ZRANB3: variants seen among roughly 807,000 people sequenced by gnomAD.
The protein encoded by ZRANB3 is zinc finger RANBP2-type containing 3, also known as DNA annealing helicase and endonuclease ZRANB3.
In ZRANB3, 125 loss-of-function variants were observed where a neutral mutation model predicts 133.8. The ratio of observed to expected loss-of-function variants is 0.93; its 90% CI spans 0.81 to 1.08. The LOEUF (loss-of-function observed/expected upper bound fraction) is 1.08, where lower values mean the gene tolerates loss of function less well. Among genes scored for constraint, ZRANB3 ranks in the 50% least tolerant of loss-of-function variants. The pLI is 0.00. For missense variants in ZRANB3, 1,229 were observed against 1,275.5 expected, an observed-to-expected ratio of 0.96 and a Z score of 0.56; for synonymous variants, 387 against 432.7, an observed-to-expected ratio of 0.89 and a Z score of 1.31.
intron 15 of ZRANB3, among the ~76,000 whole-genome samples, chr2:135,222,300 G>A (rs976978691): frequency 1.3e-5 from 2 of 151,722 alleles, no homozygotes; most frequent in Non-Finnish European, 2.9e-5. Flanking sequence ...TATTCGGGAG[G>A]CTGAGGCAGG....
chr2:135,343,010 C>CAAAAAAA (rs11435525), intron 6 of ZRANB3, among the ~76,000 whole-genome samples: 2 of 55,230 alleles, frequency 3.6e-5, no homozygotes, highest in African/African-American at 1.8e-4. Context: ...ACTAAAAATC[C>CAAAAAAA]AAAAAAAAAA....
intron 2 of ZRANB3, among the ~76,000 whole-genome samples, chr2:135,405,724 G>C (rs750922976): frequency 6.6e-6 from 1 of 152,020 alleles, no homozygotes; most frequent in African/African-American, 2.4e-5. Context: ...ATGACTACTG[G>C]GTACATAACA....
chr2:135,409,509 T>C (rs951622362), intron 2 of ZRANB3, among the ~76,000 whole-genome samples: 1 of 152,094 alleles, frequency 6.6e-6, no homozygotes, highest in Admixed American at 6.6e-5. Context: ...GAGCCATCTA[T>C]GACAAACCCA....
At chr2:135,211,466 G>A (rs1319606909) in intron 17 of ZRANB3, among the ~76,000 whole-genome samples, 3 of 152,128 alleles carry the variant, frequency 2.0e-5, no homozygotes, top group East Asian at 1.9e-4. Flanking sequence ...ACTTGAATCC[G>A]GGAGGCAGAG....
chr2:135,300,357 C>T (rs1185026770), intron 8 of ZRANB3, among the ~76,000 whole-genome samples: 1 of 152,002 alleles, frequency 6.6e-6, no homozygotes, highest in East Asian at 1.9e-4. Flanking sequence ...CCTTCTTATT[C>T]TTATGAAGAT....
rs373791364 is a variant in ZRANB3, at chr2:135,449,888, C to G, written c.161+54441G>C. ...TCCTCCTGCTGCAGCCTCCTGAGTA[C>G]CTGGGACTATAGGCAAAGACAACCA... On this transcript the variant is annotated intron_variant, in intron 2 of 20. Coordinates refer to ENST00000264159, the MANE Select transcript of ZRANB3 (RefSeq NM_032143.4). Among the ~76,000 whole-genome samples, 36 of 152,146 alleles carry G rather than the reference C, an allele frequency of 2.4e-4. No individual in the cohort carries two copies. The East Asian group carries it at 7.0e-3, about 29-fold the overall frequency.
At chr2:135,480,758 T>G (rs1451391623) in intron 2 of ZRANB3, among the ~76,000 whole-genome samples, 1 of 93,846 alleles carries the variant, frequency 1.1e-5, no homozygotes, top group African/African-American at 4.1e-5. Flanking sequence ...GTGCTATCCC[T>G]CCCCCCTCCC....
At chr2:135,209,000 T>C (rs1227814495) in intron 17 of ZRANB3, 22 bp from the exon 18 acceptor site, 1 of 1,599,362 alleles carries the variant, frequency 6.3e-7, no homozygotes, top group Non-Finnish European at 8.6e-7. Flanking sequence ...ATATGTTAAA[T>C]AGATTCCCTC....
intron 2 of ZRANB3, among the ~76,000 whole-genome samples, chr2:135,415,546 CATGCCT>C (rs1184822310): frequency 1.3e-5 from 2 of 152,152 alleles, no homozygotes; most frequent in African/African-American, 4.8e-5. Flanking sequence ...GAACTGGTAC[CATGCCT>C]TCTGAAACTA....
At chr2:135,220,591 C>T (rs533138729) in intron 15 of ZRANB3, among the ~76,000 whole-genome samples, 10 of 148,714 alleles carry the variant, frequency 6.7e-5, no homozygotes, top group Non-Finnish European at 1.3e-4. Flanking sequence ...CCAGCTACTC[C>T]GGAGGCTGAG....
intron 1 of ZRANB3, among the ~76,000 whole-genome samples, chr2:135,513,017 G>C (rs893229977): frequency 2.6e-5 from 4 of 152,072 alleles, no homozygotes; most frequent in African/African-American, 7.2e-5. Flanking sequence ...ATTGTGTGAA[G>C]CCAGCCTAAA....
intron 3 of ZRANB3, among the ~76,000 whole-genome samples, chr2:135,368,668 C>T (rs1686039929): frequency 6.6e-6 from 1 of 151,858 alleles, no homozygotes; most frequent in African/African-American, 2.4e-5. Context: ...AGGATAAATG[C>T]TTGAGGAGAT....
chr2:135,424,395 TA>T (rs1451612713), intron 2 of ZRANB3, among the ~76,000 whole-genome samples: 1 of 151,814 alleles, frequency 6.6e-6, no homozygotes, highest in African/African-American at 2.4e-5. Context: ...GAAAACAAAA[TA>T]AAAAAGAATA....
rs74265469 is a variant in ZRANB3, at chr2:135,401,114, G to A, written c.162-10294C>T. Among the ~76,000 whole-genome samples, 735 of 152,232 alleles carry A rather than the reference G, an allele frequency of 4.8e-3. 28 individuals carry two copies. The East Asian group carries it at 0.064, about 13-fold the overall frequency. ...TTATTGCAGAATGATGAGTAAATACGTTTTTACAATAGTCGGACTTAGGGT... is the reference window on the plus strand; with the variant it reads ...TTATTGCAGAATGATGAGTAAATACATTTTTACAATAGTCGGACTTAGGGT... On this transcript the variant is annotated intron_variant, in intron 2 of 20. Coordinates refer to ENST00000264159, the MANE Select transcript of ZRANB3 (RefSeq NM_032143.4).
intron 2 of ZRANB3, among the ~76,000 whole-genome samples, chr2:135,396,886 T>C (rs1252466037): frequency 6.6e-6 from 1 of 152,136 alleles, no homozygotes; most frequent in African/African-American, 2.4e-5. Context: ...TGTATGCCTG[T>C]ATCAAAATAG....
At chr2:135,511,290 A>G in intron 1 of ZRANB3, 1 of 973,344 alleles carries the variant, frequency 1.0e-6, no homozygotes, top group Non-Finnish European at 1.7e-6. Context: ...TTCTTCTAAT[A>G]CTAGCTCAGA....
intron 6 of ZRANB3, among the ~76,000 whole-genome samples, chr2:135,328,740 T>G (rs1212123961): frequency 6.6e-6 from 1 of 152,218 alleles, no homozygotes; most frequent in Non-Finnish European, 1.5e-5. Context: ...TCCTGACTTT[T>G]TAATGATTGC....
chr2:135,298,469 G>A (rs528704323), intron 8 of ZRANB3, among the ~76,000 whole-genome samples: 1 of 152,174 alleles, frequency 6.6e-6, no homozygotes, highest in East Asian at 1.9e-4. Flanking sequence ...AAAGATCTGG[G>A]GCTCAAGGGT....
intron 8 of ZRANB3, among the ~76,000 whole-genome samples, chr2:135,291,479 G>GGCCATT (rs1407803750): frequency 6.6e-6 from 1 of 151,996 alleles, no homozygotes; most frequent in East Asian, 1.9e-4. Flanking sequence ...CACAGCACCT[G>GGCCATT]GCCATTCTTA....
Sources: allele counts gnomAD v4.1 joint callset (sites outside exome capture counted in the v4.1 genomes callset), GRCh38; gene constraint gnomAD v4.1.1; transcripts MANE v1.5; gene names NCBI Gene and HGNC (gene_info 2026-07-23, HGNC 2026-07-21).